WDR17: variants seen among roughly 807,000 people sequenced by gnomAD.
WDR17 encodes WD repeat domain 17, also known as WD repeat-containing protein 17.
WDR17 carries 143 observed loss-of-function variants against 161.7 expected under a neutral mutation model. The ratio of observed to expected loss-of-function variants is 0.88; its 90% confidence interval spans 0.77 to 1.02. The LOEUF (loss-of-function observed/expected upper bound fraction) is 1.02. Among genes scored for constraint, WDR17 ranks in the 50% least tolerant of loss-of-function variants. The probability of loss-of-function intolerance (pLI) is 0.00; values close to 1 mark genes in which losing one functional copy is unlikely to be tolerated. For missense variants in WDR17, 1,469 were observed against 1,520.9 expected (o/e 0.97, Z 0.57); for synonymous variants, 517 against 515.6 (o/e 1.00, Z -0.04).
At chr4:176,107,847 T>C (rs1376892972) in intron 1 of WDR17, among the ~76,000 whole-genome samples, 1 of 151,880 alleles carries the variant, frequency 6.6e-6, no homozygotes, top group Non-Finnish European at 1.5e-5. Context: ...CCTTCCTTCC[T>C]TCCTTTTTTT....
chr4:176,090,475 A>G (rs1735984235), intron 1 of WDR17, among the ~76,000 whole-genome samples: 1 of 152,176 alleles, frequency 6.6e-6, no homozygotes, highest in Non-Finnish European at 1.5e-5. Flanking sequence ...ACCCAGCCTT[A>G]TAGCAAGACA....
chr4:176,096,221 A>C (rs1736834017), intron 1 of WDR17, among the ~76,000 whole-genome samples: 2 of 152,226 alleles, frequency 1.3e-5, no homozygotes, highest in East Asian at 3.9e-4. Flanking sequence ...TATAAAAGTT[A>C]AATCTAAGAT....
At chr4:176,108,470 G>A (rs7356210) in intron 1 of WDR17, among the ~76,000 whole-genome samples, 38,324 of 151,910 alleles carry the variant, frequency 0.25, 5,098 homozygotes, top group African/African-American at 0.33. Context: ...CCGTGAAGCT[G>A]CTCTTGCCCA....
chr4:176,172,567 G>A lies in WDR17; in HGVS notation c.3244+51G>A, dbSNP rs142777184. The A allele has an allele frequency of 1.8e-4, 254 of 1,445,200 alleles. No homozygotes were observed. The African/African-American group carries it at 2.7e-3, about 15-fold the overall frequency. 89.5% of individuals were successfully genotyped at this position (1,445,200 alleles called of 1,614,324 possible). On this transcript the variant is annotated intron_variant, in intron 24 of 28. Coordinates refer to ENST00000508596, the MANE Select transcript of WDR17 (RefSeq NM_181265.4). ...TTTAAATATACTCATTTATTTGATC[G>A]TTGTTTTCATACTGATGATTGTTTT...
chr4:176,130,539 T>C (rs540096623), intron 6 of WDR17, among the ~76,000 whole-genome samples: 4 of 152,132 alleles, frequency 2.6e-5, no homozygotes, highest in South Asian at 4.2e-4. Context: ...GGTCAGGAGA[T>C]CGAGACCATC....
intron 2 of WDR17, among the ~76,000 whole-genome samples, 200 bp from the exon 3 acceptor site, chr4:176,115,596 T>C (rs1244908327): frequency 6.6e-6 from 1 of 151,960 alleles, no homozygotes; most frequent in Non-Finnish European, 1.5e-5. Context: ...ATTCTCTCAG[T>C]TTTTAATGTT....
chr4:176,156,549 G>T (rs1219128423), intron 18 of WDR17, among the ~76,000 whole-genome samples: 1 of 151,924 alleles, frequency 6.6e-6, no homozygotes, highest in African/African-American at 2.4e-5. Flanking sequence ...TCTTCCCATG[G>T]ATATGAGGGA....
intron 2 of WDR17, among the ~76,000 whole-genome samples, chr4:176,114,969 A>G (rs554771592): frequency 1.3e-3 from 200 of 152,066 alleles, no homozygotes; most frequent in African/African-American, 4.3e-3. Context: ...CATGATTTCA[A>G]ATTACTTTGG....
chr4:176,097,880 A>G (rs1737154927), intron 1 of WDR17, among the ~76,000 whole-genome samples: 2 of 151,958 alleles, frequency 1.3e-5, no homozygotes, highest in South Asian at 4.1e-4. Context: ...AAGCTCATGG[A>G]GATTATGAGA....
intron 22 of WDR17, among the ~76,000 whole-genome samples, chr4:176,167,644 C>CAAAAAAAAAAA (rs34187946): frequency 6.7e-4 from 16 of 23,826 alleles, no homozygotes; most frequent in South Asian, 3.2e-3. Context: ...GACTCCGTCT[C>CAAAAAAAAAAA]AAAAAAAAAA....
At chr4:176,144,019 C>A (rs1024362165) in intron 11 of WDR17, among the ~76,000 whole-genome samples, 7 of 152,142 alleles carry the variant, frequency 4.6e-5, no homozygotes, top group African/African-American at 1.7e-4. Context: ...CCCAGGCTTG[C>A]TTTCCCTTAC....
intron 1 of WDR17, among the ~76,000 whole-genome samples, chr4:176,081,734 C>T (rs965843595): frequency 3.3e-5 from 5 of 152,234 alleles, no homozygotes; most frequent in Middle Eastern, 3.4e-3. Context: ...ATCAATGTTC[C>T]GGTCAGAAGG....
intron 17 of WDR17, among the ~76,000 whole-genome samples, chr4:176,152,969 C>T (rs1293348620): frequency 6.6e-6 from 1 of 151,370 alleles, no homozygotes; most frequent in African/African-American, 2.4e-5. Flanking sequence ...TTTTACAGAT[C>T]TAATTGATTC....
intron 1 of WDR17, among the ~76,000 whole-genome samples, chr4:176,095,485 G>T (rs1387196730): frequency 6.6e-6 from 1 of 152,096 alleles, no homozygotes; most frequent in Non-Finnish European, 1.5e-5. Flanking sequence ...TCAAGTAGCT[G>T]CAGTGATAAT....
chr4:176,159,429 CCT>C (rs1389650946), intron 18 of WDR17, among the ~76,000 whole-genome samples: 1 of 152,030 alleles, frequency 6.6e-6, no homozygotes, highest in Non-Finnish European at 1.5e-5. Flanking sequence ...ATTACCATCC[CCT>C]TTCTCCCTTC....
chr4:176,095,597 C>T (rs933026293), intron 1 of WDR17, among the ~76,000 whole-genome samples: 1 of 151,798 alleles, frequency 6.6e-6, no homozygotes, highest in Admixed American at 6.6e-5. Flanking sequence ...TGTAATTTCC[C>T]CCCTCCCCTA....
chr4:176,098,642 C>A (rs910860987), intron 1 of WDR17, among the ~76,000 whole-genome samples: 6 of 151,848 alleles, frequency 4.0e-5, no homozygotes, highest in Admixed American at 3.9e-4. Context: ...TTAATGAAGA[C>A]TGAATAATTA....
chr4:176,120,290 A>T (rs1172728077), intron 4 of WDR17, among the ~76,000 whole-genome samples, 193 bp downstream of exon 4: 4 of 10,906 alleles, frequency 3.7e-4, no homozygotes, highest in African/African-American at 7.8e-4. Flanking sequence ...TTGAAGTTTT[A>T]TATATATATA....
chr4:176,093,046 TA>T (rs1486249648), intron 1 of WDR17, among the ~76,000 whole-genome samples: 3 of 151,120 alleles, frequency 2.0e-5, no homozygotes, highest in Non-Finnish European at 4.4e-5. Flanking sequence ...TGTCTCAAAA[TA>T]AAAAAGAAAG....
Sources: gnomAD v4.1 joint callset for allele counts (sites outside exome capture counted in the v4.1 genomes callset) on GRCh38, gnomAD v4.1.1 for gene constraint, MANE v1.5 for transcripts, NCBI Gene and HGNC (gene_info 2026-07-23, HGNC 2026-07-21) for gene names.